Variants in MXI1 observed in about 807,000 individuals in gnomAD.
MXI1 encodes the protein MAX interactor 1, dimerization protein.
In MXI1, 18 loss-of-function variants were observed where a neutral mutation model predicts 36.9. The ratio of observed to expected loss-of-function variants is 0.49; its 90% CI spans 0.34 to 0.72. The LOEUF (loss-of-function observed/expected upper bound fraction) is 0.72, where lower values mean the gene tolerates loss of function less well. MXI1 is among the 30% of genes least tolerant of loss of function. MXI1 has a pLI of 0.01. For missense variants in MXI1, 304 were observed against 379.1 expected (o/e 0.80, Z 1.64); for synonymous variants, 160 against 146.7 (o/e 1.09, Z -0.65).
In MXI1 at chr10:110,234,926, C is replaced by G. The variant is rs1386790546; in HGVS notation, c.407+6605C>G. On this transcript the variant is annotated intron_variant, in intron 2 of 5. Coordinates refer to ENST00000332674, the MANE Select transcript of MXI1 (RefSeq NM_130439.3). Reference sequence around the variant, plus strand: ...GATGCTTCTTAATTTCTGCTGCTACCAGGTGAACTAGTTATTTTAAATTCT... The same window carrying G: ...GATGCTTCTTAATTTCTGCTGCTACGAGGTGAACTAGTTATTTTAAATTCT... Among the ~76,000 whole-genome samples, 5 of 152,212 alleles carry G rather than the reference C, an allele frequency of 3.3e-5. No individual in the cohort carries two copies. The East Asian group carries it at 9.6e-4, about 29-fold the overall frequency.
chr10:110,259,116 T>C (rs1856415981), intron 3 of MXI1, among the ~76,000 whole-genome samples: 1 of 152,152 alleles, frequency 6.6e-6, no homozygotes, highest in African/African-American at 2.4e-5. Flanking sequence ...AGACATTGAA[T>C]AATTGACATG....
Position 110,208,749 on chromosome 10 carries a change from C to G in MXI1, c.274+667C>G, listed in dbSNP as rs867190887. On this transcript the variant is annotated intron_variant, in intron 1 of 5. Transcript: ENST00000332674. ...GTGGGGTGCCACCGCCGCCCCCCCC[C>G]CCCCAAAGAAGGAGGCCGGCGGGGC... 6.7e-5 allele frequency among the ~76,000 whole-genome samples: 10 copies of G among 149,180 alleles called. 1 individual carries two copies. Among genetic ancestry groups the G allele is most frequent in the South Asian group, 6.3e-4 (3 of 4,760 alleles).
chr10:110,210,214 G>A (rs1854477407), intron 1 of MXI1: 1 of 980,494 alleles, frequency 1.0e-6, no homozygotes, highest in African/African-American at 1.8e-5. Context: ...GTGAAGCCGA[G>A]GGGCTTCCTC....
intron 3 of MXI1, among the ~76,000 whole-genome samples, chr10:110,276,572 G>A (rs1456033647): frequency 6.6e-6 from 1 of 151,462 alleles, no homozygotes; most frequent in African/African-American, 2.4e-5. Context: ...AAAGTAATAT[G>A]TTTCTTTCTG....
intron 3 of MXI1, among the ~76,000 whole-genome samples, chr10:110,277,844 A>G (rs1468857015): frequency 1.3e-5 from 2 of 152,224 alleles, no homozygotes; most frequent in East Asian, 1.9e-4. Flanking sequence ...TTGTCATGAC[A>G]TAATTGGCTG....
chr10:110,251,020 A>G (rs936377839), intron 3 of MXI1, among the ~76,000 whole-genome samples: 2 of 93,396 alleles, frequency 2.1e-5, no homozygotes, highest in East Asian at 4.5e-4. Context: ...TAAAAAAAAA[A>G]AAAAAAAAAA....
intron 2 of MXI1, among the ~76,000 whole-genome samples, chr10:110,240,955 G>T (rs1404985167): frequency 3.3e-5 from 5 of 151,866 alleles, no homozygotes; most frequent in African/African-American, 1.2e-4. Context: ...TTCCACAGTG[G>T]TACTACTCTT....
At chr10:110,250,146 A>T (rs966964401) in intron 3 of MXI1, among the ~76,000 whole-genome samples, 1 of 151,946 alleles carries the variant, frequency 6.6e-6, no homozygotes, top group Non-Finnish European at 1.5e-5. Flanking sequence ...AGAAATTCAG[A>T]TTTTTTTCTT....
intron 2 of MXI1, among the ~76,000 whole-genome samples, chr10:110,232,506 C>T (rs886349706): frequency 3.3e-5 from 5 of 152,138 alleles, no homozygotes; most frequent in African/African-American, 9.7e-5. Context: ...TCATAGTGTT[C>T]ATCACATTTG....
chr10:110,234,054 CAT>C (rs1463065564), intron 2 of MXI1, among the ~76,000 whole-genome samples: 2 of 152,166 alleles, frequency 1.3e-5, no homozygotes, highest in African/African-American at 4.8e-5. Flanking sequence ...GATTAAAGCA[CAT>C]GTGGCTTAGA....
intron 1 of MXI1, among the ~76,000 whole-genome samples, chr10:110,212,166 C>T (rs756439240): frequency 2.2e-4 from 34 of 152,050 alleles, no homozygotes; most frequent in Non-Finnish European, 3.2e-4. Flanking sequence ...TAGGGAAGGA[C>T]GATCAGATGA....
chr10:110,268,950 A>C (rs1590395638), intron 3 of MXI1, among the ~76,000 whole-genome samples: 1 of 152,338 alleles, frequency 6.6e-6, no homozygotes, highest in East Asian at 1.9e-4. Context: ...AACAACAACA[A>C]CAACACATAC....
At position 110,285,269 on chromosome 10, in the gene MXI1, G is replaced by T; in HGVS notation, c.*282G>T. 3.5e-6 allele frequency: 1 copy of T among 285,548 alleles called. No individual in the cohort carries two copies. Among genetic ancestry groups the T allele is most frequent in the Non-Finnish European group, 6.5e-6 (1 of 154,222 alleles). 17.7% of individuals were successfully genotyped at this position (285,548 alleles called of 1,614,324 possible). On this transcript the variant is annotated 3_prime_UTR_variant, in exon 6 of 6. Coordinates refer to ENST00000332674, the MANE Select transcript of MXI1 (RefSeq NM_130439.3). ...AACTTGTGTGAAATTTTCTTGATTT[G>T]AGTTGATTGAGAAGAGGACATTGGA...
At chr10:110,264,031 C>T (rs977339119) in intron 3 of MXI1, among the ~76,000 whole-genome samples, 1 of 151,982 alleles carries the variant, frequency 6.6e-6, no homozygotes, top group Admixed American at 6.6e-5. Context: ...ATTGAAGTGG[C>T]CAATGGGTTC....
In MXI1 at chr10:110,210,222, C is replaced by G. The variant is rs1016088508; in HGVS notation, c.274+2140C>G. Reference sequence around the variant, plus strand: ...GAGGCTGGTGAAGCCGAGGGGCTTCCTCCCAGCCCATCGCCCGAGGCGTCC... The same window carrying G: ...GAGGCTGGTGAAGCCGAGGGGCTTCGTCCCAGCCCATCGCCCGAGGCGTCC... On this transcript the variant is annotated intron_variant, in intron 1 of 5. Transcript: ENST00000332674. 4.1e-6 allele frequency: 4 copies of G among 983,478 alleles called. No individual in the cohort carries two copies. The African/African-American group carries it at 7.0e-5, about 17-fold the overall frequency. 60.9% of individuals were successfully genotyped at this position (983,478 alleles called of 1,614,324 possible).
Position 110,285,039 on chromosome 10 carries a change from A to G in MXI1, c.*52A>G. The G allele has an allele frequency of 5.3e-6, 8 of 1,508,714 alleles. No homozygotes were observed. The Admixed American group carries it at 1.1e-4, about 20-fold the overall frequency. The allele number at this position is 1,508,714 out of a possible 1,614,324, so 93.5% of individuals were successfully genotyped here. On this transcript the variant is annotated 3_prime_UTR_variant, in exon 6 of 6. Transcript: ENST00000332674. The stretch of plus-strand genomic sequence containing the variant: ...GCAAAATATTCACTGGGCCAATTCA[A>G]TACAAACAATCTCTTAAATTGGGTT...
At chr10:110,215,499 G>T (rs1590325119) in intron 1 of MXI1, among the ~76,000 whole-genome samples, 1 of 152,138 alleles carries the variant, frequency 6.6e-6, no homozygotes, top group East Asian at 1.9e-4. Flanking sequence ...GCAGAACCAG[G>T]TCCTTCTGGG....
At chr10:110,233,846 C>T (rs1456362694) in intron 2 of MXI1, among the ~76,000 whole-genome samples, 1 of 152,084 alleles carries the variant, frequency 6.6e-6, no homozygotes, top group African/African-American at 2.4e-5. Flanking sequence ...AGGTTATATT[C>T]CTCTATGGAA....
At chr10:110,257,485 A>AT (rs1489938260) in intron 3 of MXI1, 1 of 151,892 alleles carries the variant, frequency 6.6e-6, no homozygotes, top group Non-Finnish European at 1.5e-5. Flanking sequence ...TTTTCTTTCT[A>AT]TTTTTAGTAG....
Sources: allele counts gnomAD v4.1 joint callset (sites outside exome capture counted in the v4.1 genomes callset), GRCh38; gene constraint gnomAD v4.1.1; transcripts MANE v1.5; gene names NCBI Gene and HGNC (gene_info 2026-07-23, HGNC 2026-07-21).